DNAH7: variants seen among roughly 807,000 people sequenced by gnomAD.
DNAH7 encodes dynein axonemal heavy chain 7.
DNAH7 carries 397 observed loss-of-function variants against 444.6 expected under a neutral mutation model. The ratio of observed to expected loss-of-function variants is 0.89; its 90% CI spans 0.82 to 0.97. The LOEUF (loss-of-function observed/expected upper bound fraction) is 0.97. Ranked by LOEUF, DNAH7 falls within the 50% of genes least tolerant of loss-of-function variation. The pLI, the probability that DNAH7 is intolerant of heterozygous loss-of-function variation, is 0.00. For missense variants in DNAH7, 4,902 were observed against 4,800.8 expected (o/e 1.02, Z -0.62); for synonymous variants, 1,636 against 1,624.4 (o/e 1.01, Z -0.17).
chr2:195,748,132 C>CTG (rs1693542463), intron 63 of DNAH7, among the ~76,000 whole-genome samples: 1 of 152,194 alleles, frequency 6.6e-6, no homozygotes, highest in Non-Finnish European at 1.5e-5. Flanking sequence ...GCAACTTCAG[C>CTG]AATGTCTCAG....
intron 10 of DNAH7, among the ~76,000 whole-genome samples, chr2:196,006,969 T>C (rs1694416756): frequency 1.3e-5 from 2 of 152,082 alleles, no homozygotes; most frequent in African/African-American, 4.8e-5. Context: ...ACTAAATAAA[T>C]GGAAAGACAT....
Position 195,906,980 on chromosome 2 carries a change from G to A in DNAH7, c.4134C>T (p.Cys1378=), listed in dbSNP as rs965213427. Residue 1378 remains cysteine (C), a synonymous_variant, in exon 26 of 65, where the codon TGC becomes TGT. Transcript: ENST00000312428. Reference sequence around the variant, plus strand: ...AATCAATTCTGTTAAACTCATCAAAGCAAGCCCAGGCTCCACAAGATAACA... The same window carrying A: ...AATCAATTCTGTTAAACTCATCAAAACAAGCCCAGGCTCCACAAGATAACA... ...KGLLSCGAWA[C]FDEFNRIDLE... The A allele has an allele frequency of 1.9e-6, 3 of 1,612,658 alleles. No homozygotes were observed. The African/African-American group carries it at 4.0e-5, about 22-fold the overall frequency.
chr2:196,016,236 TA>T (rs200007041), intron 9 of DNAH7, among the ~76,000 whole-genome samples: 15 of 151,150 alleles, frequency 9.9e-5, no homozygotes, highest in African/African-American at 2.2e-4. Flanking sequence ...AAAGTGGATA[TA>T]AAAAAAAACG....
At chr2:195,885,926 G>A (rs527377090) in intron 34 of DNAH7, among the ~76,000 whole-genome samples, 126 of 152,272 alleles carry the variant, frequency 8.3e-4, no homozygotes, top group Middle Eastern at 3.4e-3. Context: ...ACTGGGCTCC[G>A]CCCGAACCTC....
At chr2:196,067,088 G>A (rs1243121361) in intron 1 of DNAH7, among the ~76,000 whole-genome samples, 1 of 152,170 alleles carries the variant, frequency 6.6e-6, no homozygotes, top group Non-Finnish European at 1.5e-5. Context: ...GGGGGAGTGA[G>A]AGACTAGGGT....
At chr2:195,943,870 G>A (rs1689628060) in intron 19 of DNAH7, among the ~76,000 whole-genome samples, 1 of 152,148 alleles carries the variant, frequency 6.6e-6, no homozygotes, top group African/African-American at 2.4e-5. Context: ...GTACAGACTA[G>A]GTCAACTGGT....
At chr2:195,738,164 C>CTGTT (rs777419950) in intron 64 of DNAH7, 37 bp from the exon 65 acceptor site, 156 of 1,573,238 alleles carry the variant, frequency 9.9e-5, no homozygotes, top group Middle Eastern at 1.8e-4. Context: ...TAAGTCAAGG[C>CTGTT]TGTTTGTTAA....
intron 57 of DNAH7, among the ~76,000 whole-genome samples, chr2:195,789,171 T>A (rs867235647): frequency 6.6e-6 from 1 of 152,216 alleles, no homozygotes; most frequent in Middle Eastern, 3.4e-3. Context: ...TAATAGAATT[T>A]TTTTTTTTAA....
chr2:195,906,820 T>A, intron 26 of DNAH7, 34 bp from the exon 27 acceptor site: 1 of 1,612,026 alleles, frequency 6.2e-7, no homozygotes, highest in East Asian at 2.2e-5. Context: ...GACTTAGTAA[T>A]ACCACATATA....
chr2:195,824,983 A>C (rs142063765), intron 48 of DNAH7: 12 of 152,396 alleles, frequency 7.9e-5, no homozygotes, highest in African/African-American at 2.9e-4. Flanking sequence ...ATTGATAGAA[A>C]AATGACACAA....
intron 10 of DNAH7, among the ~76,000 whole-genome samples, chr2:196,011,636 G>GCTCT (rs1694732941): frequency 6.6e-6 from 1 of 152,146 alleles, no homozygotes; most frequent in Admixed American, 6.6e-5. Flanking sequence ...GTGAGCTGAT[G>GCTCT]CTCTGCCTTT....
Position 196,000,755 on chromosome 2 carries a change from A to G in DNAH7, c.1302T>C (p.Ile434=). 1 of 1,595,158 alleles carries G rather than the reference A, an allele frequency of 6.3e-7. No individual in the cohort carries two copies. The highest frequency in any genetic ancestry group is 1.7e-5 in the Admixed American group (1 of 58,396). The change falls in exon 12 of 65, where the codon ATT becomes ATC. Residue 434 remains isoleucine (I), a synonymous_variant. Coordinates refer to ENST00000312428, the MANE Select transcript of DNAH7 (RefSeq NM_018897.3). Reference sequence around the variant, plus strand: ...CTCTTGGCACAAAACTGACAGCTTTAATCATGACGTCATAAACATTTAGAA... The same window carrying G: ...CTCTTGGCACAAAACTGACAGCTTTGATCATGACGTCATAAACATTTAGAA... ...DIFLNVYDVM[I]KAVSFVPRVE...
chr2:195,922,457 G>A (rs1160122769), intron 23 of DNAH7, among the ~76,000 whole-genome samples: 4 of 152,068 alleles, frequency 2.6e-5, no homozygotes, highest in African/African-American at 9.7e-5. Context: ...GTTAACAATA[G>A]AGTGGATATT....
intron 22 of DNAH7, among the ~76,000 whole-genome samples, chr2:195,926,095 T>G (rs572958263): frequency 2.0e-5 from 3 of 152,258 alleles, no homozygotes; most frequent in African/African-American, 7.2e-5. Context: ...CTTTATTTCC[T>G]GCTAATCTTT....
At chr2:195,932,631 G>C (rs1688776209) in intron 21 of DNAH7, among the ~76,000 whole-genome samples, 1 of 151,960 alleles carries the variant, frequency 6.6e-6, no homozygotes, top group Non-Finnish European at 1.5e-5. Context: ...AGAATGAAGT[G>C]TTGTTGAATT....
At chr2:195,933,933 ATTAG>A (rs1487373863) in intron 21 of DNAH7, among the ~76,000 whole-genome samples, 3 of 152,068 alleles carry the variant, frequency 2.0e-5, no homozygotes, top group Non-Finnish European at 2.9e-5. Flanking sequence ...AAATTAATTA[ATTAG>A]TTATACTCCC....
chr2:195,761,902 C>T (rs75037914), intron 61 of DNAH7, among the ~76,000 whole-genome samples: 1 of 152,026 alleles, frequency 6.6e-6, no homozygotes, highest in East Asian at 1.9e-4. Context: ...AGGTATAAAA[C>T]TCAGGGTAAT....
chr2:195,860,139 C>A (rs1410457679), intron 42 of DNAH7, among the ~76,000 whole-genome samples: 1 of 151,990 alleles, frequency 6.6e-6, no homozygotes, highest in Non-Finnish European at 1.5e-5. Context: ...AAAACTATGA[C>A]TTTCAACCTG....
At position 196,017,537 on chromosome 2, in the gene DNAH7, A is replaced by G. The variant is rs899738489; in HGVS notation, c.869+1633T>C. 2.0e-5 allele frequency among the ~76,000 whole-genome samples: 3 copies of G among 150,768 alleles called. No individual in the cohort carries two copies. In the East Asian group the frequency reaches 5.8e-4, roughly 29 times the overall value. The stretch of plus-strand genomic sequence containing the variant: ...CTCTCACCAAATATAAGCACATGCC[A>G]TAGAGTCACCCTAATCAAATTAATC... On this transcript the variant is annotated intron_variant, in intron 9 of 64. Transcript: ENST00000312428.
Sources: gnomAD v4.1 joint callset for allele counts (sites outside exome capture counted in the v4.1 genomes callset) on GRCh38, gnomAD v4.1.1 for gene constraint, MANE v1.5 for transcripts, NCBI Gene and HGNC (gene_info 2026-07-23, HGNC 2026-07-21) for gene names.